KDM5D: variants seen among roughly 807,000 people sequenced by gnomAD.
KDM5D encodes lysine demethylase 5D.
Under a neutral mutation model 31.9 loss-of-function variants are expected in KDM5D, and 25 were observed. That is an observed-to-expected ratio of 0.78 (90% CI 0.57 to 1.09). The LOEUF (loss-of-function observed/expected upper bound fraction) is 1.09, where lower values mean the gene tolerates loss of function less well. Among genes scored for constraint, KDM5D ranks in the 50% least tolerant of loss-of-function variants. The probability of loss-of-function intolerance (pLI) is 0.00; values close to 1 mark genes in which losing one functional copy is unlikely to be tolerated. For synonymous variants in KDM5D, 146 were observed against 122.3 expected, an observed-to-expected ratio of 1.19 and a Z score of -1.28; for missense variants, 366 against 341.6, an observed-to-expected ratio of 1.07 and a Z score of -0.56.
intron 3 of KDM5D, among the ~76,000 whole-genome samples, chrY:19,742,730 C>T (rs2045561406): frequency 3.0e-5 from 1 of 33,186 alleles, no homozygotes; most frequent in Non-Finnish European, 7.4e-5. Context: ...GAGGCTGAGG[C>T]AAGAGAATCC....
Position 19,707,377 on chromosome Y carries a change from C to T in KDM5D, c.3769G>A (p.Val1257Met), listed in dbSNP as rs779628367. 2.5e-6 allele frequency: 1 copy of T among 397,218 alleles called. No individual in the cohort carries two copies. Among genetic ancestry groups the T allele is most frequent in the Non-Finnish European group, 3.5e-6 (1 of 282,533 alleles). Residue 1257 changes from valine to methionine, a missense_variant, in exon 24 of 27, where the codon GTG becomes ATG. Coordinates refer to ENST00000317961, the MANE Select transcript of KDM5D (RefSeq NM_004653.5). The part of the protein sequence containing the change: ...ALLVALQRLP[V>M]RLPEGEALQC... ...AGGGCCTCACCCTCAGGCAGCCGCA[C>T]GGGCAGCCTCTGCAGGGCAACCAGC...
At chrY:19,740,571 A>T in intron 5 of KDM5D, among the ~76,000 whole-genome samples, 1 of 33,561 alleles carries the variant, frequency 3.0e-5, no homozygotes, top group Non-Finnish European at 7.4e-5. Context: ...CAATTAACTT[A>T]TTATGTAAAA....
chrY:19,737,196 A>G (rs2045517080), intron 6 of KDM5D, among the ~76,000 whole-genome samples: 1 of 33,962 alleles, frequency 2.9e-5, no homozygotes, highest in Non-Finnish European at 7.3e-5. Context: ...ATTCTTCTCA[A>G]AAGACAATTA....
intron 11 of KDM5D, among the ~76,000 whole-genome samples, chrY:19,729,116 G>A: frequency 3.1e-5 from 1 of 32,042 alleles, no homozygotes; most frequent in Non-Finnish European, 7.6e-5. Context: ...GGGAGGCTGA[G>A]AGGCAGGAGA....
intron 15 of KDM5D, 125 bp downstream of exon 15, chrY:19,716,154 C>T: frequency 1.6e-5 from 4 of 244,531 alleles, no homozygotes; most frequent in Non-Finnish European, 2.7e-5. Context: ...CATACAGACT[C>T]TGTCTTTACA....
At chrY:19,729,202 G>A (rs2045455636) in intron 11 of KDM5D, among the ~76,000 whole-genome samples, 1 of 32,130 alleles carries the variant, frequency 3.1e-5, no homozygotes, top group Non-Finnish European at 7.6e-5. Flanking sequence ...GCAACACAGC[G>A]AGACTGCGTC....
At chrY:19,729,866 G>A (rs2045460721) in intron 11 of KDM5D, among the ~76,000 whole-genome samples, 1 of 33,462 alleles carries the variant, frequency 3.0e-5, no homozygotes, top group Non-Finnish European at 7.4e-5. Flanking sequence ...TTAAACATAT[G>A]GATGACCAGT....
intron 11 of KDM5D, among the ~76,000 whole-genome samples, chrY:19,726,392 T>C (rs1020461144): frequency 3.9e-4 from 13 of 33,756 alleles, no homozygotes; most frequent in Non-Finnish European, 7.3e-4. Flanking sequence ...TTCATGACCT[T>C]TGCAGGGACA....
chrY:19,738,519 G>A, intron 6 of KDM5D, among the ~76,000 whole-genome samples: 6 of 33,696 alleles, frequency 1.8e-4, no homozygotes, highest in Non-Finnish European at 3.7e-4. Flanking sequence ...CAAATCTTAT[G>A]AAAATGTTGC....
intron 5 of KDM5D, among the ~76,000 whole-genome samples, chrY:19,740,909 G>A: frequency 3.0e-5 from 1 of 33,116 alleles, no homozygotes; most frequent in Non-Finnish European, 7.4e-5. Context: ...GCGTGAACCC[G>A]GGAGGAGCTT....
chrY:19,744,491 G>T lies in KDM5D; in HGVS notation c.44C>A (p.Pro15Gln). The change falls in exon 2 of 27, where the codon CCG (proline) becomes CAG (glutamine). Residue 15 changes from proline (P) to glutamine (Q), a missense_variant. Physicochemically the swap from Pro to Gln is moderately conservative, Grantham distance 76. Coordinates refer to ENST00000317961, the MANE Select transcript of KDM5D (RefSeq NM_004653.5). ...CDEFLPPPECPVFEPSWAEFQ... is the reference protein window; with the variant it reads ...CDEFLPPPECQVFEPSWAEFQ... Reference sequence around the variant, plus strand: ...TTCAGCCCAGCTAGGCTCAAAAACCGGGCACTCCGGTGGCGGCAGGAACTC... The same window carrying T: ...TTCAGCCCAGCTAGGCTCAAAAACCTGGCACTCCGGTGGCGGCAGGAACTC... 2.5e-6 allele frequency: 1 copy of T among 396,276 alleles called. No homozygotes were observed. The highest frequency in any genetic ancestry group is 3.5e-6 in the Non-Finnish European group (1 of 281,860).
Position 19,708,870 on chromosome Y carries a change from C to T in KDM5D, c.3081+5G>A. The T allele has an allele frequency of 2.5e-6, 1 of 397,202 alleles. No individual in the cohort carries two copies. The highest frequency in any genetic ancestry group is 9.2e-5 in the East Asian group (1 of 10,831). On this transcript the variant is annotated splice_donor_5th_base_variant and intron_variant, in intron 21 of 26. Coordinates refer to ENST00000317961, the MANE Select transcript of KDM5D (RefSeq NM_004653.5). ...ACGCAGTAAAGCAGAAATACTGATCCTCACTTGGATCTCATCCACATCAGC... is the reference window on the plus strand; with the variant it reads ...ACGCAGTAAAGCAGAAATACTGATCTTCACTTGGATCTCATCCACATCAGC...
chrY:19,727,201 T>G, intron 11 of KDM5D, among the ~76,000 whole-genome samples: 1 of 33,455 alleles, frequency 3.0e-5, no homozygotes, highest in East Asian at 7.8e-4. Flanking sequence ...AAGGTCATAT[T>G]AGGGTCTTTA....
At chrY:19,731,672 A>C in intron 11 of KDM5D, 100 bp downstream of exon 11, 1 of 208,610 alleles carries the variant, frequency 4.8e-6, no homozygotes, top group Non-Finnish European at 8.3e-6. Flanking sequence ...TATCCGAAAT[A>C]TGTGAAGACA....
At chrY:19,726,954 T>C in intron 11 of KDM5D, among the ~76,000 whole-genome samples, 2 of 33,386 alleles carry the variant, frequency 6.0e-5, no homozygotes, top group African/African-American at 2.3e-4. Flanking sequence ...GAATTACAAG[T>C]TTAATACATA....
chrY:19,740,848 G>A, intron 5 of KDM5D, among the ~76,000 whole-genome samples: 1 of 32,892 alleles, frequency 3.0e-5, no homozygotes. Flanking sequence ...GCCAGGCGTG[G>A]TGGCAGGCCC....
Position 19,706,467 on chromosome Y carries a change from G to A in KDM5D, c.4243C>T (p.Leu1415=). 2.5e-6 allele frequency: 1 copy of A among 396,304 alleles called. No homozygotes were observed. Among genetic ancestry groups the A allele is most frequent in the Non-Finnish European group, 3.5e-6 (1 of 283,012 alleles). Residue 1415 remains leucine (L), a synonymous_variant, in exon 26 of 27, where the codon CTG becomes TTG. Transcript: ENST00000317961. Reference sequence around the variant, plus strand: ...TCCAGAAGTGTGCGAATTCTGTCCAGGTCTGGAGGCTGTCCAGCCTGCAGC... The same window carrying A: ...TCCAGAAGTGTGCGAATTCTGTCCAAGTCTGGAGGCTGTCCAGCCTGCAGC... The part of the protein sequence containing the change: ...QLLQAGQPPD[L]DRIRTLLELE...
intron 13 of KDM5D, among the ~76,000 whole-genome samples, chrY:19,719,984 G>C: frequency 6.1e-5 from 2 of 33,046 alleles, no homozygotes; most frequent in Non-Finnish European, 1.5e-4. Flanking sequence ...AGGGAAAACA[G>C]AAGGACTCCT....
At chrY:19,731,095 A>G in intron 11 of KDM5D, among the ~76,000 whole-genome samples, 2 of 33,798 alleles carry the variant, frequency 5.9e-5, no homozygotes, top group Non-Finnish European at 1.5e-4. Flanking sequence ...TCTATATACA[A>G]TGCCAAATAC....
Sources: gnomAD v4.1 joint callset for allele counts (sites outside exome capture counted in the v4.1 genomes callset) on GRCh38, gnomAD v4.1.1 for gene constraint, MANE v1.5 for transcripts, NCBI Gene and HGNC (gene_info 2026-07-23, HGNC 2026-07-21) for gene names.